TTLL9: variants seen among roughly 807,000 people sequenced by gnomAD.
TTLL9 encodes tubulin tyrosine ligase like 9, also known as probable tubulin polyglutamylase TTLL9.
TTLL9 carries 47 observed loss-of-function variants against 65.6 expected under a neutral mutation model. The observed-to-expected ratio is 0.72, with a 90% CI of 0.57 to 0.91. The LOEUF (loss-of-function observed/expected upper bound fraction) is 0.91. Ranked by LOEUF, TTLL9 falls within the 40% of genes least tolerant of loss-of-function variation. The pLI is 0.00. For synonymous variants in TTLL9, 179 were observed against 204.8 expected (o/e 0.87, Z 1.07); for missense variants, 537 against 568.8 (o/e 0.94, Z 0.57).
intron 10 of TTLL9, 133 bp from the exon 11 acceptor site, chr20:31,933,667 C>A: frequency 1.3e-6 from 1 of 796,792 alleles, no homozygotes; most frequent in Non-Finnish European, 1.9e-6. Context: ...CATCTGACTC[C>A]AAAGCTCACA....
At chr20:31,887,373 C>T (rs2063208202) in intron 3 of TTLL9, 134 bp downstream of exon 3, 23 of 1,003,226 alleles carry the variant, frequency 2.3e-5, no homozygotes, top group Non-Finnish European at 2.9e-5. Flanking sequence ...AATGCTAAAC[C>T]ATTATTGAGC....
intron 7 of TTLL9, 151 bp downstream of exon 7, chr20:31,920,083 T>A: frequency 1.7e-6 from 1 of 602,318 alleles, no homozygotes; most frequent in Non-Finnish European, 2.6e-6. Context: ...CAGAGCCAGA[T>A]TGTCCAGGTT....
rs533424009 is a variant in TTLL9, at chr20:31,917,124, AG to A, written c.505-2736del. ...AAATATAGAAAAGTAGCCAAATTATAGGGGCACAGTATGAATTTTCACAAAG... is the reference window on the plus strand; with the variant it reads ...AAATATAGAAAAGTAGCCAAATTATAGGGCACAGTATGAATTTTCACAAAG... On this transcript the variant is annotated intron_variant, in intron 6 of 14. Transcript: ENST00000535842. 2.7e-3 allele frequency among the ~76,000 whole-genome samples: 409 copies of A among 152,338 alleles called. 3 individuals carry two copies. The highest frequency in any genetic ancestry group is 9.6e-3 in the African/African-American group (397 of 41,568).
At position 31,926,104 on chromosome 20, in the gene TTLL9, TC is replaced by T; in HGVS notation, c.748+14del. 6.4e-7 allele frequency: 1 copy of T among 1,568,080 alleles called. No individual in the cohort carries two copies. The highest frequency in any genetic ancestry group is 8.8e-7 in the Non-Finnish European group (1 of 1,138,152). On this transcript the variant is annotated intron_variant, in intron 10 of 14. Coordinates refer to ENST00000535842, the MANE Select transcript of TTLL9 (RefSeq NM_001008409.5). The stretch of plus-strand genomic sequence containing the variant: ...CACAGGAGACAGGGTATGAGATAGG[TC>T]TGGTCCCTTCCCTCCGGGAGCTTCC...
chr20:31,873,865 AAAGAAAG>A (rs1237646824), intron 2 of TTLL9, among the ~76,000 whole-genome samples: 9 of 148,820 alleles, frequency 6.0e-5, no homozygotes, highest in East Asian at 2.2e-4. Context: ...AGAAAGAAAG[AAAGAAAG>A]AAAGAAAGAA....
intron 9 of TTLL9, 134 bp from the exon 10 acceptor site, chr20:31,925,915 C>G: frequency 1.9e-6 from 3 of 1,552,958 alleles, no homozygotes; most frequent in Non-Finnish European, 2.6e-6. Context: ...TGGCTTTGCC[C>G]GATTCTCCAA....
chr20:31,876,396 A>G (rs373475468), intron 2 of TTLL9, among the ~76,000 whole-genome samples: 2 of 152,246 alleles, frequency 1.3e-5, no homozygotes, highest in African/African-American at 4.8e-5. Context: ...CAGTGAGCCA[A>G]GATCGTACCA....
chr20:31,908,477 G>A, intron 4 of TTLL9, 114 bp from the exon 5 acceptor site: 1 of 693,456 alleles, frequency 1.4e-6, no homozygotes, highest in Non-Finnish European at 2.6e-6. Context: ...AGACTCTAGA[G>A]GGACACAGTG....
chr20:31,871,486 A>T lies in TTLL9; in HGVS notation c.69+291A>T, dbSNP rs371712313. Among the ~76,000 whole-genome samples, 7 of 152,340 alleles carry T rather than the reference A, an allele frequency of 4.6e-5. No individual in the cohort carries two copies. In the East Asian group the frequency reaches 1.2e-3, roughly 25 times the overall value. On this transcript the variant is annotated intron_variant, in intron 2 of 14. Transcript: ENST00000535842. The stretch of plus-strand genomic sequence containing the variant: ...ATAGGACTGAAATAGAAGCAGCTGC[A>T]CCAGCTTTGTTCCTTCAGCCATCAC...
chr20:31,897,115 T>C (rs2123460090), intron 3 of TTLL9, among the ~76,000 whole-genome samples: 1 of 152,304 alleles, frequency 6.6e-6, no homozygotes. Context: ...TAATCCTTCT[T>C]CAAATATTTG....
rs765095899 is a variant in TTLL9 at position 31,933,867 on chromosome 20, G to C, written c.807+9G>C. On this transcript the variant is annotated intron_variant, in intron 11 of 14. Transcript: ENST00000535842. ...ACTACCACCCAAAGAAGGTGAGGAA[G>C]CCGGGCTCGGCTATGCACGGGTACA... 19 of 1,613,448 alleles carry C rather than the reference G, an allele frequency of 1.2e-5. 1 individual carries two copies. In the South Asian group the frequency reaches 2.1e-4, roughly 18 times the overall value.
chr20:31,884,118 C>T (rs549248169), intron 2 of TTLL9: 10 of 498,148 alleles, frequency 2.0e-5, no homozygotes. Context: ...TATACAAAAT[C>T]AGTTATACTT....
At position 31,919,917 on chromosome 20, in the gene TTLL9, C is replaced by T. The variant is rs768691624; in HGVS notation, c.558C>T (p.Ile186=). The T allele has an allele frequency of 7.5e-5, 120 of 1,592,012 alleles. No individual in the cohort carries two copies. The highest frequency in any genetic ancestry group is 9.7e-5 in the Non-Finnish European group (113 of 1,169,762). The change falls in exon 7 of 15, where the codon ATC becomes ATT. Residue 186 remains isoleucine (I), a synonymous_variant. Coordinates refer to ENST00000535842, the MANE Select transcript of TTLL9 (RefSeq NM_001008409.5). ...GIFLFRRLKD[I]VDWRKDTRSS... is the part of the protein sequence containing the mutation. ...TCCTCTTCCGTAGGCTGAAGGACAT[C>T]GTGGACTGGAGGAAGGTGAGCCTGC...
At position 31,925,043 on chromosome 20, in the gene TTLL9, G is replaced by A; in HGVS notation, c.699G>A (p.Val233=). The change falls in exon 9 of 15, where the codon GTG becomes GTA. Residue 233 remains valine (V), a synonymous_variant. Transcript: ENST00000535842. ...RKFDLRVYVL[V]MSVFAECLLW... Reference sequence around the variant, plus strand: ...TTGACCTGCGTGTCTATGTGCTGGTGATGTCGGTGAGTAACAAAGGTGGGG... The same window carrying A: ...TTGACCTGCGTGTCTATGTGCTGGTAATGTCGGTGAGTAACAAAGGTGGGG... The A allele has an allele frequency of 6.2e-7, 1 of 1,614,108 alleles. No individual in the cohort carries two copies. The highest frequency in any genetic ancestry group is 8.5e-7 in the Non-Finnish European group (1 of 1,180,006).
At chr20:31,907,830 CA>C (rs1251739616) in intron 4 of TTLL9, among the ~76,000 whole-genome samples, 1 of 152,030 alleles carries the variant, frequency 6.6e-6, no homozygotes. Context: ...CAGGGATAGA[CA>C]GGGGGCTTCA....
At chr20:31,873,338 G>A (rs1000931542) in intron 2 of TTLL9, among the ~76,000 whole-genome samples, 14 of 152,096 alleles carry the variant, frequency 9.2e-5, no homozygotes, top group Admixed American at 2.6e-4. Flanking sequence ...CCAAATGCCC[G>A]ACCCATGGAT....
intron 2 of TTLL9, among the ~76,000 whole-genome samples, chr20:31,874,655 C>T (rs886845468): frequency 4.0e-5 from 6 of 151,832 alleles, no homozygotes; most frequent in Non-Finnish European, 8.8e-5. Context: ...AGTGATCCAC[C>T]CACCTTGGCC....
At chr20:31,891,730 A>C (rs1337264839) in intron 3 of TTLL9, among the ~76,000 whole-genome samples, 3 of 152,024 alleles carry the variant, frequency 2.0e-5, no homozygotes, top group African/African-American at 7.2e-5. Flanking sequence ...ATAATTGTGA[A>C]CCCAATTGAC....
chr20:31,896,518 T>C (rs2063391223), intron 3 of TTLL9, among the ~76,000 whole-genome samples: 1 of 152,046 alleles, frequency 6.6e-6, no homozygotes, highest in Admixed American at 6.6e-5. Flanking sequence ...ACTGATTACA[T>C]TGTTTTTTTT....
Sources: allele counts gnomAD v4.1 joint callset (sites outside exome capture counted in the v4.1 genomes callset), GRCh38; gene constraint gnomAD v4.1.1; transcripts MANE v1.5; gene names NCBI Gene and HGNC (gene_info 2026-07-23, HGNC 2026-07-21).